The following UGP2 variants were observed in gnomAD, a reference collection of about 807,000 sequenced individuals.
The protein encoded by UGP2 is UDP-glucose pyrophosphorylase 2, also known as UTP--glucose-1-phosphate uridylyltransferase.
A neutral mutation model predicts 49.0 loss-of-function variants in UGP2; 40 were observed. The observed-to-expected ratio is 0.82, with a 90% CI of 0.63 to 1.06. The LOEUF (loss-of-function observed/expected upper bound fraction) is 1.06. UGP2 is among the 50% of genes least tolerant of loss of function. The probability of loss-of-function intolerance (pLI) is 0.00; values close to 1 mark genes in which losing one functional copy is unlikely to be tolerated. For missense variants in UGP2, 460 were observed against 603.5 expected (o/e 0.76, Z 2.49); for synonymous variants, 225 against 213.0 (o/e 1.06, Z -0.49).
chr2:63,887,262 C>A, intron 7 of UGP2, 140 bp from the exon 8 acceptor site: 1 of 1,141,768 alleles, frequency 8.8e-7, no homozygotes, highest in Non-Finnish European at 1.2e-6. Flanking sequence ...AAGACTCCTT[C>A]TCAAAAAAAA....
chr2:63,885,262 A>T (rs1558961592), intron 5 of UGP2, among the ~76,000 whole-genome samples: 1 of 152,102 alleles, frequency 6.6e-6, no homozygotes, highest in Admixed American at 6.6e-5. Context: ...ACAATCTCAC[A>T]ACTACATAAG....
chr2:63,884,638 G>T (rs1671535064), intron 5 of UGP2, among the ~76,000 whole-genome samples: 1 of 152,180 alleles, frequency 6.6e-6, no homozygotes, highest in South Asian at 2.1e-4. Flanking sequence ...GAGGCTGGGT[G>T]TGGTGGCTTA....
At chr2:63,853,551 G>T (rs943592538) in intron 1 of UGP2, among the ~76,000 whole-genome samples, 1 of 152,086 alleles carries the variant, frequency 6.6e-6, no homozygotes, top group African/African-American at 2.4e-5. Flanking sequence ...GACAGAGGTG[G>T]CCTAGGGATG....
chr2:63,855,729 A>G (rs1405492365), intron 1 of UGP2: 5 of 415,106 alleles, frequency 1.2e-5, no homozygotes, highest in South Asian at 5.2e-5. Context: ...TTTTGTAGAG[A>G]TGAGGTTTTG....
intron 3 of UGP2, among the ~76,000 whole-genome samples, chr2:63,861,053 A>G (rs1669805176): frequency 6.6e-6 from 1 of 152,038 alleles, no homozygotes; most frequent in Admixed American, 6.5e-5. Flanking sequence ...ATTATGGCTA[A>G]TAAGAACCCA....
In UGP2 at chr2:63,890,182, A is replaced by G. The variant is rs748081283; in HGVS notation, c.1416A>G (p.Leu472=). The change falls in exon 9 of 10, where the codon TTA becomes TTG. Residue 472 remains leucine (L), a synonymous_variant. Transcript: ENST00000337130. ...GDVTFGKNVS[L]KGTVIIIANH... ...TGACATTTGGAAAAAATGTTTCATT[A>G]AAGGTATGTTGTTACAATGAAAATT... 6.2e-7 allele frequency: 1 copy of G among 1,603,576 alleles called. No individual in the cohort carries two copies.
chr2:63,877,956 G>A (rs1429255062), intron 3 of UGP2, among the ~76,000 whole-genome samples: 2 of 120,956 alleles, frequency 1.7e-5, no homozygotes, highest in African/African-American at 6.3e-5. Flanking sequence ...TTGCGCCACT[G>A]CAGTCCGCAG....
chr2:63,865,355 T>G (rs1166749490), intron 3 of UGP2, among the ~76,000 whole-genome samples: 1 of 152,134 alleles, frequency 6.6e-6, no homozygotes, highest in Non-Finnish European at 1.5e-5. Context: ...AACACAGGCA[T>G]GCAATAGCAA....
chr2:63,882,766 A>G, intron 4 of UGP2, 115 bp downstream of exon 4: 1 of 1,137,766 alleles, frequency 8.8e-7, no homozygotes, highest in Non-Finnish European at 1.2e-6. Flanking sequence ...AGAGCCTGCT[A>G]TCTTTAATCT....
At chr2:63,846,582 C>A (rs1324998008) in intron 1 of UGP2, among the ~76,000 whole-genome samples, 1 of 152,140 alleles carries the variant, frequency 6.6e-6, no homozygotes, top group African/African-American at 2.4e-5. Context: ...ATGCTTGAGG[C>A]CTATCAGCTT....
At chr2:63,847,632 G>C (rs1376692205) in intron 1 of UGP2, among the ~76,000 whole-genome samples, 6 of 152,184 alleles carry the variant, frequency 3.9e-5, no homozygotes, top group South Asian at 2.1e-4. Context: ...TACAGTCAAA[G>C]GGGGTTTGTT....
chr2:63,887,088 A>G (rs1300040133), intron 7 of UGP2, among the ~76,000 whole-genome samples: 1 of 152,048 alleles, frequency 6.6e-6, no homozygotes, highest in African/African-American at 2.4e-5. Flanking sequence ...ACATAGTGAA[A>G]CCCCATCTCT....
At chr2:63,871,880 G>GT (rs370532653) in intron 3 of UGP2, among the ~76,000 whole-genome samples, 34 of 152,294 alleles carry the variant, frequency 2.2e-4, no homozygotes, top group African/African-American at 7.9e-4. Context: ...CAAAGCTTGG[G>GT]TTTTTTCCAG....
intron 3 of UGP2, among the ~76,000 whole-genome samples, chr2:63,880,817 C>T (rs1671252483): frequency 6.6e-6 from 1 of 152,140 alleles, no homozygotes; most frequent in Admixed American, 6.5e-5. Flanking sequence ...GTGTGGTCTG[C>T]GTTCTTTCCT....
intron 1 of UGP2, chr2:63,855,774 T>G: frequency 3.0e-6 from 1 of 334,566 alleles, no homozygotes; most frequent in Non-Finnish European, 6.0e-6. Context: ...ACTCCTGGGC[T>G]CCAGGGTCTA....
At chr2:63,870,083 T>A (rs1281028545) in intron 3 of UGP2, among the ~76,000 whole-genome samples, 1 of 152,006 alleles carries the variant, frequency 6.6e-6, no homozygotes, top group Non-Finnish European at 1.5e-5. Flanking sequence ...CCACCATGCC[T>A]GGCTAATTTT....
At chr2:63,883,556 T>C (rs908532253) in intron 4 of UGP2, among the ~76,000 whole-genome samples, 2 of 152,204 alleles carry the variant, frequency 1.3e-5, no homozygotes, top group African/African-American at 4.8e-5. Context: ...TACAGAGATG[T>C]TAACATAGAG....
In UGP2 at chr2:63,885,607, A is replaced by T. The variant is rs764424792; in HGVS notation, c.594A>T (p.Lys198Asn). 1.9e-6 allele frequency: 3 copies of T among 1,562,546 alleles called. 1 individual carries two copies. The Admixed American group carries it at 6.4e-5, about 34-fold the overall frequency. Residue 198 changes from lysine to asparagine, a missense_variant, in exon 6 of 10, where the codon AAA (lysine) becomes AAT (asparagine). By Grantham distance (94) the Lys-to-Asn change is moderately conservative. This residue lies in a region of UGP2 where 317 missense variants were observed against 473.0 expected (regional missense o/e 0.67). Transcript: ENST00000337130. ...FNQSRYPRIN[K>N]ESLLPVAKDV... The stretch of plus-strand genomic sequence containing the variant: ...TTTAAAGGTACCCGAGGATTAATAA[A>T]GAATCTTTACTTCCTGTAGCAAAGG...
At chr2:63,876,084 G>T (rs568236596) in intron 3 of UGP2, among the ~76,000 whole-genome samples, 1 of 152,138 alleles carries the variant, frequency 6.6e-6, no homozygotes, top group Non-Finnish European at 1.5e-5. Context: ...CTGTGACTAG[G>T]TGTGTCCAGT....
Sources: gnomAD v4.1 joint callset for allele counts (sites outside exome capture counted in the v4.1 genomes callset) on GRCh38, gnomAD v4.1.1 for gene constraint, gnomAD v4.1.1 regional missense constraint, MANE v1.5 for transcripts, NCBI Gene and HGNC (gene_info 2026-07-23, HGNC 2026-07-21) for gene names.